Variants in BAG1 observed in about 807,000 individuals in gnomAD.
BAG1 encodes BAG cochaperone 1.
A neutral mutation model predicts 35.5 loss-of-function variants in BAG1; 35 were observed. The ratio of observed to expected loss-of-function variants is 0.99; its 90% confidence interval spans 0.75 to 1.31. BAG1 has a LOEUF of 1.31. Among genes scored for constraint, BAG1 ranks in the 50% most tolerant of loss-of-function variants. The probability of loss-of-function intolerance (pLI) is 0.00; values close to 1 mark genes in which losing one functional copy is unlikely to be tolerated. For synonymous variants in BAG1, 191 were observed against 178.9 expected, an observed-to-expected ratio of 1.07 and a Z score of -0.54; for missense variants, 464 against 453.6, an observed-to-expected ratio of 1.02 and a Z score of -0.21.
rs1008757727 is a variant in BAG1, at chr9:33,252,746, C to T, written c.*2473G>A. ...GCTGTGAAAGAAATGTATGGGAAGTCGAGAGAGGATCCCACCTGGGGGCTG... is the reference window on the plus strand; with the variant it reads ...GCTGTGAAAGAAATGTATGGGAAGTTGAGAGAGGATCCCACCTGGGGGCTG... On this transcript the variant is annotated 3_prime_UTR_variant, in exon 7 of 7. Transcript: ENST00000634734. 1.3e-5 allele frequency: 2 copies of T among 151,942 alleles called. No individual in the cohort carries two copies. The highest frequency in any genetic ancestry group is 2.9e-5 in the Non-Finnish European group (2 of 68,020). 9.4% of individuals were successfully genotyped at this position (151,942 alleles called of 1,614,324 possible). A position where few individuals can be genotyped will look rare whatever the true frequency, so the allele number is the denominator to read the frequency against.
chr9:33,255,242 T>C lies in BAG1; in HGVS notation c.1015A>G (p.Thr339Ala). 1 of 1,614,230 alleles carries C rather than the reference T, an allele frequency of 6.2e-7. No individual in the cohort carries two copies. Among genetic ancestry groups the C allele is most frequent in the Non-Finnish European group, 8.5e-7 (1 of 1,180,038 alleles). The change falls in exon 7 of 7, where the codon ACA (threonine) becomes GCA (alanine). Residue 339 changes from threonine (T) to alanine (A), a missense_variant. Transcript: ENST00000634734. ...CCTCACTCGGCCAGGGCAAAGTTTG[T>C]AGACTGCAGCCGCTCAGTCTCCTGG...
rs552679160 is a variant in BAG1, at chr9:33,257,038, C to A, written c.778-130G>T. On this transcript the variant is annotated intron_variant, in intron 4 of 6. Transcript: ENST00000634734. Reference sequence around the variant, plus strand: ...CAGGCCAGGCCACATCTCAGATCCACAACTTTAACTCTTGGAAAAATTAAA... The same window carrying A: ...CAGGCCAGGCCACATCTCAGATCCAAAACTTTAACTCTTGGAAAAATTAAA... 13 of 655,770 alleles carry A rather than the reference C, an allele frequency of 2.0e-5. No homozygotes were observed. In the East Asian group the frequency reaches 3.2e-4, roughly 16 times the overall value. The allele number at this position is 655,770 out of a possible 1,614,324, so 40.6% of individuals were successfully genotyped here.
Position 33,259,000 on chromosome 9 carries a change from A to C in BAG1, c.697T>G (p.Leu233Val), listed in dbSNP as rs1292202107. 6.2e-7 allele frequency: 1 copy of C among 1,614,026 alleles called. No individual in the cohort carries two copies. The highest frequency in any genetic ancestry group is 1.3e-5 in the African/African-American group (1 of 74,928). The stretch of plus-strand genomic sequence containing the variant: ...TCCACAGACTTCTCCAAATGTTTCA[A>C]CTTCTTTAGTTCAACCTCTTCCTGT... The change falls in exon 4 of 7, where the codon TTG (leucine) becomes GTG (valine). Residue 233 changes from leucine to valine, a missense_variant. By Grantham distance (32) the Leu-to-Val change is conservative. Transcript: ENST00000634734.
At chr9:33,256,707 G>C in intron 5 of BAG1, 94 bp downstream of exon 5, 1 of 1,028,370 alleles carries the variant, frequency 9.7e-7, no homozygotes, top group East Asian at 2.4e-5. Context: ...TGATGGGTTT[G>C]CTCAGGCAAT....
Position 33,264,343 on chromosome 9 carries a change from G to C in BAG1, c.332C>G (p.Thr111Ser). Reference sequence around the variant, plus strand: ...GCTCCGATTCATCTCTTCGCCCTGGGTCGCCTCCTCACTCTGGGTCGCCTC... The same window carrying C: ...GCTCCGATTCATCTCTTCGCCCTGGCTCGCCTCCTCACTCTGGGTCGCCTC... Residue 111 changes from threonine (T) to serine (S), a missense_variant, in exon 1 of 7, where the codon ACC (threonine) becomes AGC (serine). Coordinates refer to ENST00000634734, the MANE Select transcript of BAG1 (RefSeq NM_004323.6). 3.1e-6 allele frequency: 5 copies of C among 1,612,774 alleles called. No homozygotes were observed. Among genetic ancestry groups the C allele is most frequent in the Non-Finnish European group, 4.2e-6 (5 of 1,179,588 alleles).
chr9:33,262,291 CAG>C, intron 2 of BAG1: 4 of 1,255,932 alleles, frequency 3.2e-6, no homozygotes, highest in African/African-American at 1.5e-5. Flanking sequence ...AGTTTGAAAA[CAG>C]AGTGACTATT....
In BAG1 at chr9:33,264,255, C is replaced by T. The variant is rs1388937355; in HGVS notation, c.420G>A (p.Ala140=). 11 of 1,612,430 alleles carry T rather than the reference C, an allele frequency of 6.8e-6. No individual in the cohort carries two copies. Among genetic ancestry groups the T allele is most frequent in the Non-Finnish European group, 8.5e-6 (10 of 1,179,528 alleles). Reference sequence around the variant, plus strand: ...TGACAGTCACGGTGAGCCCAGCTGCCGCCATTTCCTCCCTGGTCACCTCCT... The same window carrying T: ...TGACAGTCACGGTGAGCCCAGCTGCTGCCATTTCCTCCCTGGTCACCTCCT... The change falls in exon 1 of 7, where the codon GCG becomes GCA. Residue 140 remains alanine (A), a synonymous_variant. Transcript: ENST00000634734.
chr9:33,259,271 G>C (rs1015858000), intron 3 of BAG1: 4 of 324,602 alleles, frequency 1.2e-5, no homozygotes, highest in Non-Finnish European at 2.3e-5. Context: ...GCTGAGGCAG[G>C]AGTATAGCTT....
Position 33,259,123 on chromosome 9 carries a change from G to A in BAG1, c.664-90C>T, listed in dbSNP as rs893666848. On this transcript the variant is annotated intron_variant, in intron 3 of 6. Coordinates refer to ENST00000634734, the MANE Select transcript of BAG1 (RefSeq NM_004323.6). ...TGCCTGTAATCCCAGCACTTTGGGA[G>A]GCCGAGATGGGCAGATCATTTGAGG... is the stretch of plus-strand genomic sequence containing the variant. 5.4e-6 allele frequency: 5 copies of A among 925,558 alleles called. No homozygotes were observed. In the East Asian group the frequency reaches 1.3e-4, roughly 25 times the overall value. The allele number at this position is 925,558 out of a possible 1,614,324, so 57.3% of individuals were successfully genotyped here. A position where few individuals can be genotyped will look rare whatever the true frequency, so the allele number is the denominator to read the frequency against.
chr9:33,262,341 A>C lies in BAG1; in HGVS notation c.580+361T>G, dbSNP rs1043202217. On this transcript the variant is annotated intron_variant, in intron 2 of 6. Transcript: ENST00000634734. ...GCAGTTTTAAAACTGTCCTTTGGCC[A>C]TAAGGAAAAGCCGGAAAAGAAATGC... is the stretch of plus-strand genomic sequence containing the variant. 2.5e-6 allele frequency: 3 copies of C among 1,202,792 alleles called. No homozygotes were observed. The South Asian group carries it at 4.5e-5, about 18-fold the overall frequency. 74.5% of individuals were successfully genotyped at this position (1,202,792 alleles called of 1,614,324 possible).
chr9:33,256,072 A>AT (rs1253600216), intron 5 of BAG1, 145 bp from the exon 6 acceptor site: 2 of 732,264 alleles, frequency 2.7e-6, no homozygotes, highest in Non-Finnish European at 2.3e-6. Context: ...TGTGATATCC[A>AT]TTTTCAGGAA....
intron 5 of BAG1, among the ~76,000 whole-genome samples, chr9:33,256,506 A>C (rs117302519): frequency 7.2e-5 from 11 of 152,328 alleles, no homozygotes; most frequent in Non-Finnish European, 1.3e-4. Flanking sequence ...GGACCATGAG[A>C]TCGTGGACTC....
At chr9:33,260,518 A>C (rs527370693) in intron 3 of BAG1, 2 of 152,282 alleles carry the variant, frequency 1.3e-5, no homozygotes, top group African/African-American at 4.8e-5. Context: ...GGAACTTCAT[A>C]TGCTCATAAT....
At chr9:33,264,201 C>T in intron 1 of BAG1, 23 bp downstream of exon 1, 2 of 1,575,186 alleles carry the variant, frequency 1.3e-6, no homozygotes, top group South Asian at 1.1e-5. Flanking sequence ...CTGCATGGAG[C>T]CCACCTGGCG....
chr9:33,261,822 A>G, intron 2 of BAG1: 1 of 932,626 alleles, frequency 1.1e-6, no homozygotes, highest in Non-Finnish European at 1.3e-6. Context: ...GACAGAGGGC[A>G]GGGGCCAGGA....
chr9:33,262,871 A>G, intron 1 of BAG1, 41 bp from the exon 2 acceptor site: 1 of 1,609,248 alleles, frequency 6.2e-7, no homozygotes, highest in African/African-American at 1.3e-5. Flanking sequence ...TGATTCTTTC[A>G]CATACACCAA....
chr9:33,256,716 A>G, intron 5 of BAG1, 85 bp downstream of exon 5: 1 of 1,139,722 alleles, frequency 8.8e-7, no homozygotes, highest in African/African-American at 1.5e-5. Flanking sequence ...TGCTCAGGCA[A>G]TAGGAGAGTA....
At position 33,255,081 on chromosome 9, in the gene BAG1, A is replaced by G; in HGVS notation, c.*138T>C. ...ACAAAGACACTATTTTTCATTGAGAACCAGTGTGAGAGTAGGAAAATTGGC... is the reference window on the plus strand; with the variant it reads ...ACAAAGACACTATTTTTCATTGAGAGCCAGTGTGAGAGTAGGAAAATTGGC... On this transcript the variant is annotated 3_prime_UTR_variant, in exon 7 of 7. Transcript: ENST00000634734. 6.3e-7 allele frequency: 1 copy of G among 1,591,810 alleles called. No homozygotes were observed. The highest frequency in any genetic ancestry group is 8.6e-7 in the Non-Finnish European group (1 of 1,167,334).
At chr9:33,257,214 G>A in intron 4 of BAG1, 2 of 306,246 alleles carry the variant, frequency 6.5e-6, no homozygotes, top group Non-Finnish European at 1.2e-5. Flanking sequence ...CACAGGTTTA[G>A]AGTCTTCAAA....
Sources: allele counts gnomAD v4.1 joint callset (sites outside exome capture counted in the v4.1 genomes callset), GRCh38; gene constraint gnomAD v4.1.1; transcripts MANE v1.5; gene names NCBI Gene and HGNC (gene_info 2026-07-23, HGNC 2026-07-21).